The following RIPOR3 variants were observed in gnomAD, a reference collection of about 807,000 sequenced individuals.
The protein encoded by RIPOR3 is RIPOR family member 3.
A neutral mutation model predicts 114.3 loss-of-function variants in RIPOR3; 95 were observed. That is an observed-to-expected ratio of 0.83 (90% CI 0.70 to 0.99). The LOEUF (loss-of-function observed/expected upper bound fraction) is 0.99, where lower values mean the gene tolerates loss of function less well. Ranked by LOEUF, RIPOR3 falls within the 50% of genes least tolerant of loss-of-function variation. The pLI is 0.00. For missense variants in RIPOR3, 1,252 were observed against 1,266.9 expected, an observed-to-expected ratio of 0.99 and a Z score of 0.18; for synonymous variants, 575 against 543.8, an observed-to-expected ratio of 1.06 and a Z score of -0.80.
chr20:50,626,492 T>G (rs1340689383), intron 2 of RIPOR3, among the ~76,000 whole-genome samples: 1 of 152,122 alleles, frequency 6.6e-6, no homozygotes, highest in Non-Finnish European at 1.5e-5. Flanking sequence ...TCCTCCTTCC[T>G]CCCAAAGAGC....
At position 50,602,079 on chromosome 20, in the gene RIPOR3, C is replaced by G; in HGVS notation, c.1652G>C (p.Arg551Pro). Residue 551 changes from arginine to proline, a missense_variant, in exon 13 of 22, where the codon CGG (arginine) becomes CCG (proline). Transcript: ENST00000327979. This position sits in a 1 kb window ranked among gnomAD's most constrained non-coding sequence, Gnocchi z 4.3. ...LEYQVLGFRD[R>P]LKPCRARQEH... ...GGGGCGGGGTGGCCATACCTTCAGC[C>G]GGTCCCGGAAGCCGAGGACCTGGTA... The G allele has an allele frequency of 1.9e-6, 3 of 1,559,650 alleles. No individual in the cohort carries two copies. The highest frequency in any genetic ancestry group is 2.6e-6 in the Non-Finnish European group (3 of 1,153,726).
chr20:50,652,590 CAAAAAAAA>C (rs11470456), intron 1 of RIPOR3, among the ~76,000 whole-genome samples: 66 of 87,320 alleles, frequency 7.6e-4, no homozygotes, highest in Non-Finnish European at 1.3e-3. Context: ...GATTCTGTCT[CAAAAAAAA>C]AAAAAAAAAA....
At chr20:50,597,326 A>C in intron 14 of RIPOR3, 2 of 510,864 alleles carry the variant, frequency 3.9e-6, no homozygotes, top group Non-Finnish European at 7.0e-6. Flanking sequence ...TAATACTAAA[A>C]GCTGGTTCCT....
At chr20:50,627,661 C>T (rs983072539) in intron 2 of RIPOR3, among the ~76,000 whole-genome samples, 8 of 151,136 alleles carry the variant, frequency 5.3e-5, no homozygotes, top group Admixed American at 4.0e-4. Flanking sequence ...CCAGCCCGGG[C>T]GAGAGAGAGA....
chr20:50,641,805 C>G (rs1395479078), intron 1 of RIPOR3, among the ~76,000 whole-genome samples: 34 of 152,262 alleles, frequency 2.2e-4, no homozygotes, highest in Non-Finnish European at 2.1e-4. Context: ...TGGCCACTGG[C>G]CTGGCTGAGA....
intron 13 of RIPOR3, among the ~76,000 whole-genome samples, chr20:50,599,617 A>G (rs140866820): frequency 6.6e-6 from 1 of 152,208 alleles, no homozygotes; most frequent in East Asian, 1.9e-4. Context: ...AACTTGAAAA[A>G]CATGGCATTA....
Position 50,669,335 on chromosome 20 carries a change from G to A in RIPOR3, c.3+21791C>T, listed in dbSNP as rs184354371. Among the ~76,000 whole-genome samples the A allele has an allele frequency of 5.9e-4, 90 of 152,298 alleles. 1 individual carries two copies. Among genetic ancestry groups the A allele is most frequent in the African/African-American group, 1.8e-3 (73 of 41,570 alleles). Reference sequence around the variant, plus strand: ...GCTTTCTCTTCAGCACTTTTACCACGATTGTGACTAATTACATGTGTGATC... The same window carrying A: ...GCTTTCTCTTCAGCACTTTTACCACAATTGTGACTAATTACATGTGTGATC... On this transcript the variant is annotated intron_variant, in intron 1 of 21. Coordinates refer to ENST00000327979, the MANE Select transcript of RIPOR3 (RefSeq NM_001290268.2).
At chr20:50,672,931 C>T (rs892405722) in intron 1 of RIPOR3, among the ~76,000 whole-genome samples, 16 of 152,232 alleles carry the variant, frequency 1.1e-4, no homozygotes, top group Admixed American at 2.0e-4. Context: ...CCCATGGCAA[C>T]TCACCTGTAG....
In RIPOR3 at chr20:50,676,380, G is replaced by T. The variant is rs183234085; in HGVS notation, c.3+14746C>A. The stretch of plus-strand genomic sequence containing the variant: ...AAAACCACAGGTGAGGGCTGGGTGT[G>T]GGGGCTCATGCCTGTAATCCCAGAA... On this transcript the variant is annotated intron_variant, in intron 1 of 21. Transcript: ENST00000327979. Among the ~76,000 whole-genome samples, 596 of 152,270 alleles carry T rather than the reference G, an allele frequency of 3.9e-3. 5 individuals carry two copies. Among genetic ancestry groups the T allele is most frequent in the African/African-American group, 0.014 (577 of 41,562 alleles).
intron 1 of RIPOR3, among the ~76,000 whole-genome samples, chr20:50,682,991 T>C (rs902919058): frequency 3.3e-5 from 5 of 152,184 alleles, no homozygotes; most frequent in Non-Finnish European, 7.3e-5. Flanking sequence ...CCTCCCAAAG[T>C]ACTGGGATTA....
At chr20:50,671,428 GCACACACACACACACA>G (rs1160861232) in intron 1 of RIPOR3, among the ~76,000 whole-genome samples, 10 of 38,158 alleles carry the variant, frequency 2.6e-4, no homozygotes, top group Non-Finnish European at 3.6e-4. Flanking sequence ...ACGCGCGCGC[GCACACACACACACACA>G]CACACACACA....
chr20:50,626,061 G>C (rs886151901), intron 2 of RIPOR3, among the ~76,000 whole-genome samples: 2 of 152,358 alleles, frequency 1.3e-5, no homozygotes, highest in Non-Finnish European at 2.9e-5. Context: ...CTGCCAGGTT[G>C]TTTGCCTTGA....
In RIPOR3 at chr20:50,605,377, C is replaced by T. The variant is rs143733255; in HGVS notation, c.957-603G>A. On this transcript the variant is annotated intron_variant, in intron 11 of 21. Coordinates refer to ENST00000327979, the MANE Select transcript of RIPOR3 (RefSeq NM_001290268.2). ...CAGTGTCACAACCAACCACGCGAGACGGAACTGAATTCACACACAGATTTT... is the reference window on the plus strand; with the variant it reads ...CAGTGTCACAACCAACCACGCGAGATGGAACTGAATTCACACACAGATTTT... 1.6e-3 allele frequency among the ~76,000 whole-genome samples: 250 copies of T among 152,218 alleles called. 2 individuals are homozygous for T. The highest frequency in any genetic ancestry group is 5.6e-3 in the African/African-American group (234 of 41,530).
intron 1 of RIPOR3, among the ~76,000 whole-genome samples, chr20:50,643,942 T>A (rs527576899): frequency 6.6e-6 from 1 of 152,112 alleles, no homozygotes; most frequent in South Asian, 2.1e-4. Flanking sequence ...CTCGATCTCC[T>A]GACCTCGTGA....
intron 16 of RIPOR3, chr20:50,595,153 TCA>T (rs2083244424): frequency 8.2e-6 from 5 of 607,160 alleles, no homozygotes; most frequent in South Asian, 4.1e-5. Flanking sequence ...TTGCCTAGAG[TCA>T]CACAGCTGAC....
intron 11 of RIPOR3, among the ~76,000 whole-genome samples, chr20:50,606,507 G>A (rs1284532111): frequency 6.6e-6 from 1 of 152,208 alleles, no homozygotes; most frequent in Admixed American, 6.5e-5. Context: ...CAGATGGAAA[G>A]GGAGGGTGTA....
chr20:50,633,646 C>T (rs1345167889), intron 1 of RIPOR3, among the ~76,000 whole-genome samples: 3 of 152,202 alleles, frequency 2.0e-5, no homozygotes, highest in Non-Finnish European at 4.4e-5. Context: ...TGCACCTTCC[C>T]ATCAGAAGCC....
chr20:50,598,566 C>T (rs1230863057), intron 13 of RIPOR3, among the ~76,000 whole-genome samples: 2 of 152,064 alleles, frequency 1.3e-5, no homozygotes, highest in Non-Finnish European at 2.9e-5. Flanking sequence ...TCACATTTTC[C>T]AATACAAAAA....
intron 1 of RIPOR3, among the ~76,000 whole-genome samples, chr20:50,669,772 A>G (rs1200954071): frequency 6.6e-6 from 1 of 152,050 alleles, no homozygotes; most frequent in Non-Finnish European, 1.5e-5. Context: ...GTGACACCTC[A>G]TTAAGACAAG....
Sources: allele counts gnomAD v4.1 joint callset (sites outside exome capture counted in the v4.1 genomes callset), GRCh38; gene constraint gnomAD v4.1.1; non-coding constraint Gnocchi (gnomAD v3.1); transcripts MANE v1.5; gene names NCBI Gene and HGNC (gene_info 2026-07-23, HGNC 2026-07-21).